Variants in TAF1B observed in about 807,000 individuals in gnomAD.
The protein encoded by TAF1B is TATA box-binding protein-associated factor RNA polymerase I subunit B.
Under a neutral mutation model 83.9 loss-of-function variants are expected in TAF1B, and 61 were observed. The ratio of observed to expected loss-of-function variants is 0.73; its 90% CI spans 0.59 to 0.90. TAF1B has a LOEUF of 0.90. Among genes scored for constraint, TAF1B ranks in the 40% least tolerant of loss-of-function variants. The probability of loss-of-function intolerance (pLI) is 0.00; values close to 1 mark genes in which losing one functional copy is unlikely to be tolerated. For missense variants in TAF1B, 625 were observed against 677.0 expected (o/e 0.92, Z 0.85); for synonymous variants, 221 against 224.6 (o/e 0.98, Z 0.14).
chr2:9,843,841 T>G, intron 1 of TAF1B: 4 of 269,856 alleles, frequency 1.5e-5, no homozygotes, highest in East Asian at 1.4e-4. Flanking sequence ...CTGTGGGTTT[T>G]GTGGGGTGGC....
At chr2:9,875,589 G>A (rs1234767057) in intron 6 of TAF1B, among the ~76,000 whole-genome samples, 1 of 152,040 alleles carries the variant, frequency 6.6e-6, no homozygotes, top group African/African-American at 2.4e-5. Context: ...GCGTGTGCAG[G>A]GGAACTACCC....
At chr2:9,932,678 T>G (rs891465729) in intron 14 of TAF1B, among the ~76,000 whole-genome samples, 1 of 152,178 alleles carries the variant, frequency 6.6e-6, no homozygotes, top group Non-Finnish European at 1.5e-5. Context: ...TCAAACACCA[T>G]GCTGTGAGAA....
At chr2:9,868,718 ATG>A (rs765939914) in intron 6 of TAF1B, 1 of 559,318 alleles carries the variant, frequency 1.8e-6, no homozygotes, top group Non-Finnish European at 3.5e-6. Context: ...AAAGATCTAT[ATG>A]TGTGGGCTCA....
chr2:9,864,879 A>G (rs1663914651), intron 5 of TAF1B, among the ~76,000 whole-genome samples: 1 of 152,232 alleles, frequency 6.6e-6, no homozygotes, highest in African/African-American at 2.4e-5. Context: ...GCCTTTGACA[A>G]AATTCAACAA....
rs757635868 is a variant in TAF1B at position 9,919,058 on chromosome 2, A to G, written c.1289A>G (p.Glu430Gly). ...TTGTACAGGTACCTGTGGAAAAGTG[A>G]AAAGCCACTCTACTACTCATTTGTC... ...EARAKYLWKS[E>G]KPLYYSFVDK... Residue 430 changes from glutamate to glycine, a missense_variant, in exon 13 of 15, where the codon GAA (glutamate) becomes GGA (glycine). Coordinates refer to ENST00000263663, the MANE Select transcript of TAF1B (RefSeq NM_005680.3). 19 of 1,614,188 alleles carry G rather than the reference A, an allele frequency of 1.2e-5. No homozygotes were observed. Among genetic ancestry groups the G allele is most frequent in the Non-Finnish European group, 1.6e-5 (19 of 1,180,020 alleles).
chr2:9,867,093 A>T (rs1343280921), intron 5 of TAF1B, among the ~76,000 whole-genome samples: 2 of 152,242 alleles, frequency 1.3e-5, no homozygotes, highest in Non-Finnish European at 2.9e-5. Flanking sequence ...TAATAAAAAA[A>T]TTTTTAAATA....
chr2:9,895,210 T>A (rs1045618807), intron 8 of TAF1B, among the ~76,000 whole-genome samples: 9 of 152,308 alleles, frequency 5.9e-5, no homozygotes, highest in East Asian at 3.9e-4. Flanking sequence ...ACAAAAAAAA[T>A]TTTTTGTGGT....
At chr2:9,924,551 G>A (rs4669497) in intron 14 of TAF1B, among the ~76,000 whole-genome samples, 77,589 of 152,108 alleles carry the variant, frequency 0.51, 22,864 homozygotes, top group Non-Finnish European at 0.68. Context: ...CACAGCACCT[G>A]TCCTAAGACG....
chr2:9,885,254 T>C (rs1013266445), intron 8 of TAF1B, among the ~76,000 whole-genome samples: 1 of 152,190 alleles, frequency 6.6e-6, no homozygotes, highest in African/African-American at 2.4e-5. Flanking sequence ...CTGCTTTATA[T>C]GTAAAATTGG....
At chr2:9,853,471 T>G (rs1014998407) in intron 4 of TAF1B, among the ~76,000 whole-genome samples, 6 of 152,018 alleles carry the variant, frequency 3.9e-5, no homozygotes, top group Non-Finnish European at 7.4e-5. Context: ...CTGTTTGCTT[T>G]TTTTTTTTCT....
In TAF1B at chr2:9,854,570, C is replaced by T. The variant is rs538641856; in HGVS notation, c.399+149C>T. 9.9e-5 allele frequency: 56 copies of T among 568,032 alleles called. 1 individual carries two copies. Among genetic ancestry groups the T allele is most frequent in the South Asian group, 4.4e-4 (15 of 34,476 alleles). 35.2% of individuals were successfully genotyped at this position (568,032 alleles called of 1,614,324 possible). On this transcript the variant is annotated intron_variant, in intron 5 of 14. Coordinates refer to ENST00000263663, the MANE Select transcript of TAF1B (RefSeq NM_005680.3). The stretch of plus-strand genomic sequence containing the variant: ...GAGGCTTCTGTTACAGTCTAGAGGA[C>T]GGGGTCACTGATTTAAACGTTGGAA...
rs1351522107 is a variant in TAF1B at position 9,843,495 on chromosome 2, C to G, written c.-47C>G. The G allele has an allele frequency of 2.6e-6, 4 of 1,519,934 alleles. No homozygotes were observed. The highest frequency in any genetic ancestry group is 3.5e-6 in the Non-Finnish European group (4 of 1,129,168). 94.2% of individuals were successfully genotyped at this position (1,519,934 alleles called of 1,614,324 possible). On this transcript the variant is annotated 5_prime_UTR_variant, in exon 1 of 15. Coordinates refer to ENST00000263663, the MANE Select transcript of TAF1B (RefSeq NM_005680.3). The stretch of plus-strand genomic sequence containing the variant: ...CAGCCTTTCCCGGAAGCTGCGCTCG[C>G]TACCCGGGTAACGGGTCCCGGCTGT...
chr2:9,921,632 C>G (rs1665882373), intron 14 of TAF1B, among the ~76,000 whole-genome samples: 1 of 152,076 alleles, frequency 6.6e-6, no homozygotes, highest in Non-Finnish European at 1.5e-5. Context: ...TATGTTTTCC[C>G]CACTTTCCTT....
chr2:9,908,906 G>C (rs1403508539), intron 9 of TAF1B, among the ~76,000 whole-genome samples: 2 of 152,206 alleles, frequency 1.3e-5, no homozygotes, highest in Non-Finnish European at 2.9e-5. Flanking sequence ...ACTTGAGGAA[G>C]AGGACTGTGT....
At position 9,867,221 on chromosome 2, in the gene TAF1B, C is replaced by T. The variant is rs1042875345; in HGVS notation, c.400-1055C>T. Among the ~76,000 whole-genome samples the T allele has an allele frequency of 3.3e-5, 5 of 152,082 alleles. No homozygotes were observed. In the East Asian group the frequency reaches 9.6e-4, roughly 29 times the overall value. On this transcript the variant is annotated intron_variant, in intron 5 of 14. Coordinates refer to ENST00000263663, the MANE Select transcript of TAF1B (RefSeq NM_005680.3). ...CTTTGAACAGATATCTTTGAGTGTA[C>T]AGAGAGGTGGGATCAAGTGCACAAA...
chr2:9,910,669 T>G, intron 9 of TAF1B, 67 bp from the exon 10 acceptor site: 2 of 1,377,146 alleles, frequency 1.5e-6, no homozygotes, highest in South Asian at 1.5e-5. Context: ...AAGGTTATTT[T>G]ATGGATATAT....
upstream of TAF1B, chr2:9,843,470 C>A: frequency 6.6e-7 from 1 of 1,510,134 alleles, no homozygotes; most frequent in Non-Finnish European, 8.9e-7. Context: ...GAAGCTTCTC[C>A]AGCCTTTCCC....
chr2:9,898,131 C>T (rs1665071882), intron 8 of TAF1B, among the ~76,000 whole-genome samples: 1 of 152,152 alleles, frequency 6.6e-6, no homozygotes, highest in Admixed American at 6.5e-5. Context: ...TTTCCTACAA[C>T]CGGCATATTC....
intron 8 of TAF1B, among the ~76,000 whole-genome samples, chr2:9,885,665 A>T (rs569662299): frequency 2.0e-5 from 3 of 152,182 alleles, no homozygotes; most frequent in South Asian, 4.1e-4. Flanking sequence ...CTAAGTTACT[A>T]CTTTTGCATT....
Sources: allele counts gnomAD v4.1 joint callset (sites outside exome capture counted in the v4.1 genomes callset), GRCh38; gene constraint gnomAD v4.1.1; transcripts MANE v1.5; gene names NCBI Gene and HGNC (gene_info 2026-07-23, HGNC 2026-07-21).